HS3ST4: variants seen among roughly 807,000 people sequenced by gnomAD.
HS3ST4 encodes heparan sulfate glucosamine 3-O-sulfotransferase 4.
A neutral mutation model predicts 29.2 loss-of-function variants in HS3ST4; 17 were observed. The observed-to-expected ratio is 0.58, with a 90% CI of 0.40 to 0.87. The LOEUF is 0.87. Among genes scored for constraint, HS3ST4 ranks in the 40% least tolerant of loss-of-function variants. The pLI is 0.00. For synonymous variants in HS3ST4, 314 were observed against 285.7 expected (o/e 1.10, Z -1.00); for missense variants, 627 against 634.5 (o/e 0.99, Z 0.13).
At chr16:25,906,632 T>C (rs1968183326) in intron 1 of HS3ST4, among the ~76,000 whole-genome samples, 1 of 152,108 alleles carries the variant, frequency 6.6e-6, no homozygotes, top group Non-Finnish European at 1.5e-5. Context: ...TGTGGGGTCA[T>C]GAAAGGAAAC....
At chr16:25,951,382 A>T (rs780425288) in intron 1 of HS3ST4, among the ~76,000 whole-genome samples, 5 of 152,232 alleles carry the variant, frequency 3.3e-5, no homozygotes, top group Non-Finnish European at 5.9e-5. Context: ...GATATTAGGC[A>T]CATCACTTAA....
chr16:25,775,580 C>T (rs1446945984), intron 1 of HS3ST4, among the ~76,000 whole-genome samples: 1 of 152,210 alleles, frequency 6.6e-6, no homozygotes, highest in African/African-American at 2.4e-5. Context: ...ACCACATGCA[C>T]CTCGTAATCA....
rs549872251 is a variant in HS3ST4, at chr16:25,981,187, A to G, written c.735-154425A>G. On this transcript the variant is annotated intron_variant, in intron 1 of 1. Transcript: ENST00000331351. Reference sequence around the variant, plus strand: ...AGCCTGGCCAACATGGTGAAACCCCATCTCTACAAAAATACAAAAATTAGC... The same window carrying G: ...AGCCTGGCCAACATGGTGAAACCCCGTCTCTACAAAAATACAAAAATTAGC... 2.0e-5 allele frequency among the ~76,000 whole-genome samples: 3 copies of G among 152,192 alleles called. No individual in the cohort carries two copies. In the East Asian group the frequency reaches 5.8e-4, roughly 29 times the overall value.
chr16:25,762,705 AAAACAAAC>A (rs113353975), intron 1 of HS3ST4, among the ~76,000 whole-genome samples: 5 of 151,312 alleles, frequency 3.3e-5, no homozygotes, highest in South Asian at 2.1e-4. Flanking sequence ...TGTCCCTACT[AAAACAAAC>A]AAACAAACAA....
intron 1 of HS3ST4, among the ~76,000 whole-genome samples, chr16:26,028,296 G>C (rs1454706197): frequency 1.5e-5 from 2 of 132,038 alleles, no homozygotes. Context: ...AAAAAAAAAA[G>C]AATAAGAAAG....
At chr16:25,826,349 C>T (rs1340366860) in intron 1 of HS3ST4, 1 of 152,156 alleles carries the variant, frequency 6.6e-6, no homozygotes, top group Non-Finnish European at 1.5e-5. Flanking sequence ...ACTACAGTCA[C>T]GTTCTGAGGT....
In HS3ST4 at chr16:25,991,945, C is replaced by G. The variant is rs8045538; in HGVS notation, c.735-143667C>G. ...CTGAGGCAGGAGAATGGCGTGAACC[C>G]GGGAGGCAGAGCTTATAGTGAGCCG... On this transcript the variant is annotated intron_variant, in intron 1 of 1. Coordinates refer to ENST00000331351, the MANE Select transcript of HS3ST4 (RefSeq NM_006040.3). Among the ~76,000 whole-genome samples, 1,091 of 152,126 alleles carry G rather than the reference C, an allele frequency of 7.2e-3. 48 individuals are homozygous for G. Among genetic ancestry groups the G allele is most frequent in the Non-Finnish European group, 1.6e-3 (112 of 67,996 alleles).
At chr16:25,958,874 A>G (rs1968764195) in intron 1 of HS3ST4, among the ~76,000 whole-genome samples, 1 of 152,210 alleles carries the variant, frequency 6.6e-6, no homozygotes, top group Non-Finnish European at 1.5e-5. Context: ...CCCTCAAGGC[A>G]CAAAAGCAGA....
chr16:25,797,558 CATT>C (rs1408839932), intron 1 of HS3ST4, among the ~76,000 whole-genome samples: 1 of 152,110 alleles, frequency 6.6e-6, no homozygotes, highest in Non-Finnish European at 1.5e-5. Context: ...ATAATAATAT[CATT>C]GTTGTTGCTA....
rs1898757787 is a variant in HS3ST4, at chr16:26,084,186, C to T, written c.735-51426C>T. Reference sequence around the variant, plus strand: ...GCCAGTCTCTCCTGAGCATTTCCATCCTTCAGATGTCTATGAGTGGTTATT... The same window carrying T: ...GCCAGTCTCTCCTGAGCATTTCCATTCTTCAGATGTCTATGAGTGGTTATT... On this transcript the variant is annotated intron_variant, in intron 1 of 1. Coordinates refer to ENST00000331351, the MANE Select transcript of HS3ST4 (RefSeq NM_006040.3). Among the ~76,000 whole-genome samples, 4 of 152,146 alleles carry T rather than the reference C, an allele frequency of 2.6e-5. No individual in the cohort carries two copies. The South Asian group carries it at 8.3e-4, about 32-fold the overall frequency.
At chr16:25,837,243 A>G (rs1596586571) in intron 1 of HS3ST4, among the ~76,000 whole-genome samples, 2 of 152,202 alleles carry the variant, frequency 1.3e-5, no homozygotes, top group Admixed American at 1.3e-4. Flanking sequence ...CGTTCAGAGG[A>G]ATCACATGAG....
intron 1 of HS3ST4, among the ~76,000 whole-genome samples, chr16:25,713,041 G>GT (rs201221149): frequency 0.064 from 9,692 of 151,478 alleles, 344 homozygotes; most frequent in Middle Eastern, 0.11. Flanking sequence ...TCATTTAAAT[G>GT]TTTTTTTTAA....
At chr16:25,857,919 C>CTTTCTTTCTTTCTTTCATTCTTTCTTT (rs1555469154) in intron 1 of HS3ST4, among the ~76,000 whole-genome samples, 3 of 58,028 alleles carry the variant, frequency 5.2e-5, no homozygotes, top group Non-Finnish European at 1.1e-4. Flanking sequence ...TTCCTTCCTT[C>CTTTCTTTCTTTCTTTCATTCTTTCTTT]CTTTCTTTCT....
chr16:25,986,695 A>G (rs957960038), intron 1 of HS3ST4, among the ~76,000 whole-genome samples: 14 of 152,212 alleles, frequency 9.2e-5, no homozygotes, highest in Admixed American at 3.9e-4. Context: ...GCATTCTGTT[A>G]CGGCGTTAAT....
intron 1 of HS3ST4, among the ~76,000 whole-genome samples, chr16:25,911,486 C>G (rs1968238059): frequency 6.9e-6 from 1 of 145,764 alleles, no homozygotes; most frequent in Admixed American, 6.9e-5. Flanking sequence ...AGGTGGTGTT[C>G]CGTTGTGTGG....
intron 1 of HS3ST4, among the ~76,000 whole-genome samples, chr16:25,982,637 C>T (rs553068332): frequency 3.3e-5 from 5 of 152,178 alleles, no homozygotes; most frequent in African/African-American, 7.2e-5. Context: ...AGACCAGCCT[C>T]GTCAACATAG....
At chr16:25,768,218 G>A (rs1966833788) in intron 1 of HS3ST4, among the ~76,000 whole-genome samples, 2 of 152,166 alleles carry the variant, frequency 1.3e-5, no homozygotes, top group South Asian at 2.1e-4. Flanking sequence ...CCCAATGCAT[G>A]TCTAAATCAA....
chr16:26,045,101 A>T (rs73516307), intron 1 of HS3ST4, among the ~76,000 whole-genome samples: 2,524 of 152,196 alleles, frequency 0.017, 67 homozygotes, highest in African/African-American at 0.056. Context: ...TAAGAACACA[A>T]CTAGAGAGCC....
At chr16:25,747,639 G>C (rs960682071) in intron 1 of HS3ST4, among the ~76,000 whole-genome samples, 1 of 152,200 alleles carries the variant, frequency 6.6e-6, no homozygotes, top group Non-Finnish European at 1.5e-5. Context: ...GGAAGAACCA[G>C]AACTCAAGCC....
Sources: gnomAD v4.1 joint callset for allele counts (sites outside exome capture counted in the v4.1 genomes callset) on GRCh38, gnomAD v4.1.1 for gene constraint, MANE v1.5 for transcripts, NCBI Gene and HGNC (gene_info 2026-07-23, HGNC 2026-07-21) for gene names.